Variants in ARHGAP15 observed in about 807,000 individuals in gnomAD.
The protein encoded by ARHGAP15 is rho GTPase-activating protein 15.
A neutral mutation model predicts 63.7 loss-of-function variants in ARHGAP15; 51 were observed. The ratio of observed to expected loss-of-function variants is 0.80; its 90% CI spans 0.64 to 1.01. ARHGAP15 has a LOEUF of 1.01. ARHGAP15 is among the 50% of genes least tolerant of loss of function. ARHGAP15 has a pLI of 0.00. For missense variants in ARHGAP15, 560 were observed against 564.6 expected (o/e 0.99, Z 0.08); for synonymous variants, 191 against 193.8 (o/e 0.99, Z 0.12).
intron 12 of ARHGAP15, among the ~76,000 whole-genome samples, chr2:143,702,334 GA>G (rs1684126235): frequency 6.6e-6 from 1 of 152,066 alleles, no homozygotes; most frequent in Non-Finnish European, 1.5e-5. Context: ...CAAAATGAGA[GA>G]AATCAATGTG....
intron 6 of ARHGAP15, among the ~76,000 whole-genome samples, chr2:143,409,930 G>A (rs1206092563): frequency 6.6e-6 from 1 of 152,062 alleles, no homozygotes; most frequent in African/African-American, 2.4e-5. Flanking sequence ...TAAGTGATGT[G>A]TGACTGTACT....
chr2:143,722,807 C>A (rs1438548447), intron 13 of ARHGAP15, among the ~76,000 whole-genome samples: 1 of 152,090 alleles, frequency 6.6e-6, no homozygotes, highest in Non-Finnish European at 1.5e-5. Flanking sequence ...TGTCCTGTGG[C>A]CAGAGGCAAA....
intron 2 of ARHGAP15, among the ~76,000 whole-genome samples, chr2:143,198,165 T>C (rs756777669): frequency 7.9e-5 from 12 of 152,094 alleles, no homozygotes; most frequent in Non-Finnish European, 1.6e-4. Flanking sequence ...CTTTTAAGGT[T>C]TGGGTGAGAA....
chr2:143,709,919 G>A lies in ARHGAP15; in HGVS notation c.1244+6395G>A, dbSNP rs146149778. Among the ~76,000 whole-genome samples the A allele has an allele frequency of 1.7e-3, 255 of 152,270 alleles. 2 individuals carry two copies. The highest frequency in any genetic ancestry group is 2.9e-3 in the Admixed American group (44 of 15,306). On this transcript the variant is annotated intron_variant, in intron 13 of 13. Coordinates refer to ENST00000295095, the MANE Select transcript of ARHGAP15 (RefSeq NM_018460.4). Reference sequence around the variant, plus strand: ...ACAGCCATCACCCTTCTCTCTGGTCGTCAGGGGCCATGCTGGTGACGCTCT... The same window carrying A: ...ACAGCCATCACCCTTCTCTCTGGTCATCAGGGGCCATGCTGGTGACGCTCT...
intron 12 of ARHGAP15, among the ~76,000 whole-genome samples, chr2:143,667,380 T>C (rs1328055216): frequency 4.0e-5 from 5 of 124,522 alleles, no homozygotes; most frequent in Non-Finnish European, 6.5e-5. Flanking sequence ...TGAGATCACA[T>C]GGACACAGGA....
chr2:143,190,427 A>G (rs934933649), intron 2 of ARHGAP15, among the ~76,000 whole-genome samples: 8 of 152,086 alleles, frequency 5.3e-5, no homozygotes, highest in Admixed American at 5.2e-4. Flanking sequence ...GGATGAAGGG[A>G]TATATTTTTG....
At chr2:143,517,423 A>G (rs140023644) in intron 9 of ARHGAP15, among the ~76,000 whole-genome samples, 4 of 152,306 alleles carry the variant, frequency 2.6e-5, no homozygotes, top group African/African-American at 9.6e-5. Flanking sequence ...ACATTATTTT[A>G]TGCTGCATTA....
At position 143,346,196 on chromosome 2, in the gene ARHGAP15, TCTCTCTCACACACACA is replaced by T. The variant is rs1339121054; in HGVS notation, c.475-89397_475-89382del. 5.5e-4 allele frequency among the ~76,000 whole-genome samples: 78 copies of T among 142,550 alleles called. No homozygotes were observed. The East Asian group carries it at 7.7e-3, about 14-fold the overall frequency. 93.5% of individuals were successfully genotyped at this position (142,550 alleles called of 152,430 possible). ...CACTCTCTCTCTCACACACACACTC[TCTCTCTCACACACACA>T]CTCTCTCTCACACACACTCTCTCTC... On this transcript the variant is annotated intron_variant, in intron 6 of 13. Coordinates refer to ENST00000295095, the MANE Select transcript of ARHGAP15 (RefSeq NM_018460.4).
At chr2:143,276,230 C>A (rs1396671685) in intron 6 of ARHGAP15, among the ~76,000 whole-genome samples, 2 of 152,190 alleles carry the variant, frequency 1.3e-5, no homozygotes, top group East Asian at 3.8e-4. Context: ...CTTATCATTA[C>A]CCTTTACCAA....
At chr2:143,748,734 G>T (rs748459418) in intron 13 of ARHGAP15, among the ~76,000 whole-genome samples, 5 of 152,110 alleles carry the variant, frequency 3.3e-5, no homozygotes, top group African/African-American at 1.2e-4. Context: ...GAGTTGTAGC[G>T]GCCGTGAATG....
chr2:143,504,644 T>C (rs1327597672), intron 9 of ARHGAP15, among the ~76,000 whole-genome samples: 3 of 152,226 alleles, frequency 2.0e-5, no homozygotes, highest in Non-Finnish European at 2.9e-5. Flanking sequence ...CCTCCTCAGC[T>C]ACTCAAGGGA....
intron 6 of ARHGAP15, among the ~76,000 whole-genome samples, chr2:143,366,531 T>A (rs183491475): frequency 6.6e-6 from 1 of 152,078 alleles, no homozygotes; most frequent in Non-Finnish European, 1.5e-5. Flanking sequence ...TGCTCCTAGG[T>A]CAAAGTTATA....
chr2:143,657,766 T>C (rs1681532019), intron 12 of ARHGAP15, among the ~76,000 whole-genome samples: 7 of 152,246 alleles, frequency 4.6e-5, no homozygotes. Flanking sequence ...TTTCCTGTCA[T>C]TTCTTCATGT....
chr2:143,303,303 A>C (rs1683000131), intron 6 of ARHGAP15, among the ~76,000 whole-genome samples: 1 of 152,076 alleles, frequency 6.6e-6, no homozygotes, highest in African/African-American at 2.4e-5. Flanking sequence ...AAGGAACTTA[A>C]ATTTACAAGA....
intron 10 of ARHGAP15, among the ~76,000 whole-genome samples, chr2:143,532,182 T>A (rs1272870624): frequency 6.6e-6 from 1 of 152,226 alleles, no homozygotes; most frequent in Non-Finnish European, 1.5e-5. Flanking sequence ...AAATATCTGA[T>A]GCATAATGCA....
intron 11 of ARHGAP15, among the ~76,000 whole-genome samples, chr2:143,618,878 C>A (rs376890139): frequency 6.6e-6 from 1 of 151,560 alleles, no homozygotes; most frequent in Non-Finnish European, 1.5e-5. Flanking sequence ...GTCACCGAGG[C>A]GGATGGGGTG....
At chr2:143,599,545 A>C (rs1574687060) in intron 11 of ARHGAP15, among the ~76,000 whole-genome samples, 1 of 152,258 alleles carries the variant, frequency 6.6e-6, no homozygotes, top group East Asian at 1.9e-4. Context: ...CCATCTACAC[A>C]GAAAAAAAAA....
chr2:143,371,142 A>C (rs1420550370), intron 6 of ARHGAP15, among the ~76,000 whole-genome samples: 1 of 152,224 alleles, frequency 6.6e-6, no homozygotes, highest in East Asian at 1.9e-4. Context: ...AAGTAATTCA[A>C]ATATTATTGG....
At chr2:143,760,948 C>T (rs1024780921) in intron 13 of ARHGAP15, among the ~76,000 whole-genome samples, 7 of 152,016 alleles carry the variant, frequency 4.6e-5, no homozygotes, top group Admixed American at 1.3e-4. Context: ...GTGACCACCT[C>T]GAAACACACT....
Sources: allele counts gnomAD v4.1 joint callset (sites outside exome capture counted in the v4.1 genomes callset), GRCh38; gene constraint gnomAD v4.1.1; transcripts MANE v1.5; gene names NCBI Gene and HGNC (gene_info 2026-07-23, HGNC 2026-07-21).